Variants in CCDC57 observed in about 807,000 individuals in gnomAD.
CCDC57 encodes coiled-coil domain-containing protein 57.
CCDC57 carries 118 observed loss-of-function variants against 118.9 expected under a neutral mutation model. The ratio of observed to expected loss-of-function variants is 0.99; its 90% confidence interval spans 0.86 to 1.16. The LOEUF (loss-of-function observed/expected upper bound fraction) is 1.16, where lower values mean the gene tolerates loss of function less well. Among genes scored for constraint, CCDC57 ranks in the 50% most tolerant of loss-of-function variants. The pLI, the probability that CCDC57 is intolerant of heterozygous loss-of-function variation, is 0.00. For synonymous variants in CCDC57, 527 were observed against 532.9 expected, an observed-to-expected ratio of 0.99 and a Z score of 0.15; for missense variants, 1,300 against 1,320.7, an observed-to-expected ratio of 0.98 and a Z score of 0.24.
At chr17:82,156,656 T>A (rs2042717828) in intron 15 of CCDC57, 1 of 152,226 alleles carries the variant, frequency 6.6e-6, no homozygotes, top group South Asian at 2.1e-4. Context: ...CAGCTCAATA[T>A]CTTACCGACC....
At chr17:82,133,431 CAAAAAAAA>C (rs71166189) in intron 17 of CCDC57, among the ~76,000 whole-genome samples, 23 of 38,400 alleles carry the variant, frequency 6.0e-4, no homozygotes, top group Non-Finnish European at 7.7e-4. Flanking sequence ...GGCCCTGTCT[CAAAAAAAA>C]AAAAAAAAAA....
At chr17:82,165,268 G>A (rs4789675) in intron 13 of CCDC57, among the ~76,000 whole-genome samples, 70,975 of 152,052 alleles carry the variant, frequency 0.47, 17,375 homozygotes, top group East Asian at 0.88. Flanking sequence ...GGTTTAACCC[G>A]ACGGAGCCCC....
Position 82,172,796 on chromosome 17 carries a change from A to G in CCDC57, c.1571T>C (p.Leu524Pro). ...TCGCAAGCTCGTGTTCTGCTCTCGG[A>G]GCCGCTGGATCTCACTGGATGGAAA... Residue 524 changes from leucine to proline, a missense_variant, in exon 12 of 20, where the codon CTC becomes CCC. Coordinates refer to ENST00000665763, the Ensembl canonical transcript of CCDC57. The surrounding 1 kb of genome is among the most constrained non-coding windows in gnomAD (Gnocchi z 5.2). The G allele has an allele frequency of 1.2e-6, 2 of 1,613,448 alleles. No homozygotes were observed. Among genetic ancestry groups the G allele is most frequent in the East Asian group, 2.2e-5 (1 of 44,876 alleles).
chr17:82,201,485 G>T (rs2048986746), intron 3 of CCDC57, 53 bp downstream of exon 2: 6 of 1,493,738 alleles, frequency 4.0e-6, no homozygotes, highest in African/African-American at 2.8e-5. Flanking sequence ...CAGGAGGCAT[G>T]TGGGGGCCTC....
intron 19 of CCDC57, among the ~76,000 whole-genome samples, chr17:82,115,607 C>CA (rs1300417231): frequency 6.6e-6 from 1 of 151,298 alleles, no homozygotes; most frequent in African/African-American, 2.4e-5. Context: ...CCTGTCTGTA[C>CA]AAAAAAAGTT....
chr17:82,204,479 T>C (rs2049367697), intron 2 of CCDC57, among the ~76,000 whole-genome samples: 1 of 152,150 alleles, frequency 6.6e-6, no homozygotes, highest in Non-Finnish European at 1.5e-5. Flanking sequence ...GCCAAAGGAA[T>C]CTTTTCAAAA....
intron 15 of CCDC57, chr17:82,156,113 T>C (rs1217781043): frequency 6.6e-6 from 1 of 152,018 alleles, no homozygotes; most frequent in Non-Finnish European, 1.5e-5. Flanking sequence ...CTGGCCAACA[T>C]GGTGAAACCC....
At chr17:82,206,944 T>C (rs554424539) in intron 2 of CCDC57, among the ~76,000 whole-genome samples, 1 of 152,332 alleles carries the variant, frequency 6.6e-6, no homozygotes, top group South Asian at 2.1e-4. Flanking sequence ...ACTTAGTTTA[T>C]AGTTTGAAAC....
intron 13 of CCDC57, among the ~76,000 whole-genome samples, chr17:82,165,451 G>A (rs938285252): frequency 1.3e-5 from 2 of 151,818 alleles, no homozygotes; most frequent in Non-Finnish European, 2.9e-5. Flanking sequence ...GCACACACTG[G>A]CCTGGTGCTA....
At chr17:82,197,144 C>T (rs549383760) in intron 4 of CCDC57, among the ~76,000 whole-genome samples, 40 of 148,954 alleles carry the variant, frequency 2.7e-4, no homozygotes, top group African/African-American at 9.4e-4. Flanking sequence ...AGAGACACAG[C>T]CCCTCGTGAC....
In CCDC57 at chr17:82,188,427, A is replaced by G; in HGVS notation, c.852-8T>C. ...CGGTCGAGCTCCTCATGCCTGAAAC[A>G]CAGTGAGTGTCCCATGGCGCTCACC... On this transcript the variant is annotated splice_polypyrimidine_tract_variant and splice_region_variant and intron_variant, in intron 7 of 19. Coordinates refer to ENST00000665763, the Ensembl canonical transcript of CCDC57. The G allele has an allele frequency of 6.2e-7, 1 of 1,608,144 alleles. No homozygotes were observed.
chr17:82,185,908 T>C lies in CCDC57; in HGVS notation c.1053-1976A>G, dbSNP rs535028859. 6.6e-5 allele frequency among the ~76,000 whole-genome samples: 10 copies of C among 152,356 alleles called. No homozygotes were observed. In the South Asian group the frequency reaches 1.2e-3, roughly 19 times the overall value. ...AATAAATATGGCTGTCACTTATTTC[T>C]ATTTTTTTAGTTAAAAAATTATTTT... On this transcript the variant is annotated intron_variant, in intron 8 of 19. Transcript: ENST00000665763.
At chr17:82,189,089 G>A (rs1257080089) in intron 7 of CCDC57, among the ~76,000 whole-genome samples, 1 of 152,072 alleles carries the variant, frequency 6.6e-6, no homozygotes, top group Admixed American at 6.5e-5. Flanking sequence ...GGGCAATATG[G>A]CAAAACACCC....
chr17:82,207,110 G>A (rs1297947155), intron 2 of CCDC57, among the ~76,000 whole-genome samples: 1 of 152,192 alleles, frequency 6.6e-6, no homozygotes, highest in Non-Finnish European at 1.5e-5. Context: ...TTGGGAGGCT[G>A]AGGCTGGATC....
intron 17 of CCDC57, among the ~76,000 whole-genome samples, chr17:82,133,617 T>A (rs2038749204): frequency 6.6e-6 from 1 of 151,686 alleles, no homozygotes; most frequent in Non-Finnish European, 1.5e-5. Flanking sequence ...TCCCAGCACT[T>A]TGGGAGGCAG....
chr17:82,150,827 TCAGAACCTGACCCGCACC>T (rs2041874642), intron 16 of CCDC57, among the ~76,000 whole-genome samples: 1 of 17,290 alleles, frequency 5.8e-5, no homozygotes, highest in African/African-American at 2.5e-4. Context: ...AGGCGCACAC[TCAGAACCTGACCCGCACC>T]CAGAACCAGG....
chr17:82,154,778 G>C (rs2042483195), intron 15 of CCDC57: 1 of 146,126 alleles, frequency 6.8e-6, no homozygotes, highest in Non-Finnish European at 1.5e-5. Flanking sequence ...ATGATGACTT[G>C]ATGCCCGTCT....
chr17:82,194,641 C>A (rs2048086273), intron 5 of CCDC57, among the ~76,000 whole-genome samples: 1 of 152,150 alleles, frequency 6.6e-6, no homozygotes, highest in East Asian at 1.9e-4. Flanking sequence ...CTCAGTACCC[C>A]ACCAAAATCA....
intron 8 of CCDC57, among the ~76,000 whole-genome samples, chr17:82,186,421 G>A (rs2046926725): frequency 6.6e-6 from 1 of 152,186 alleles, no homozygotes; most frequent in Non-Finnish European, 1.5e-5. Context: ...GGAAGCACCT[G>A]CGGCCCCTCT....
Sources: gnomAD v4.1 joint callset for allele counts (sites outside exome capture counted in the v4.1 genomes callset) on GRCh38, gnomAD v4.1.1 for gene constraint, Gnocchi (gnomAD v3.1) non-coding constraint, MANE v1.5 for transcripts, NCBI Gene and HGNC (gene_info 2026-07-23, HGNC 2026-07-21) for gene names.